GLMN: variants seen among roughly 807,000 people sequenced by gnomAD.
GLMN encodes the protein glomulin, FKBP associated protein.
A neutral mutation model predicts 87.8 loss-of-function variants in GLMN; 75 were observed. The observed-to-expected ratio is 0.85, with a 90% confidence interval of 0.71 to 1.04. The LOEUF (loss-of-function observed/expected upper bound fraction) is 1.04, where lower values mean the gene tolerates loss of function less well. Ranked by LOEUF, GLMN falls within the 50% of genes least tolerant of loss-of-function variation. The probability of loss-of-function intolerance (pLI) is 0.00; values close to 1 mark genes in which losing one functional copy is unlikely to be tolerated. For synonymous variants in GLMN, 206 were observed against 221.6 expected (o/e 0.93, Z 0.63); for missense variants, 588 against 658.8 (o/e 0.89, Z 1.18).
At chr1:92,319,516 C>T in the GLMN span, among the ~76,000 whole-genome samples, 1 of 152,090 alleles carries the variant, frequency 6.6e-6, no homozygotes, top group Non-Finnish European at 1.5e-5. Flanking sequence ...CTGGTAATCC[C>T]AGCACTGTGG....
At chr1:92,279,974 G>A (rs991597166) in intron 7 of GLMN, among the ~76,000 whole-genome samples, 8 of 151,920 alleles carry the variant, frequency 5.3e-5, no homozygotes, top group Non-Finnish European at 7.4e-5. Flanking sequence ...CAAACTGGGC[G>A]GAGCCCACCG....
the GLMN span, among the ~76,000 whole-genome samples, chr1:92,353,752 C>T: frequency 6.6e-6 from 1 of 152,092 alleles, no homozygotes; most frequent in Admixed American, 6.6e-5. Flanking sequence ...TAGATTATTT[C>T]TATACGTTCC....
the GLMN span, among the ~76,000 whole-genome samples, chr1:92,350,874 G>C: frequency 6.6e-6 from 1 of 152,184 alleles, no homozygotes; most frequent in East Asian, 1.9e-4. Flanking sequence ...AAAGGTTGTA[G>C]TGAGCTGAGA....
intron 7 of GLMN, among the ~76,000 whole-genome samples, chr1:92,280,760 G>C (rs1647934189): frequency 6.6e-6 from 1 of 152,188 alleles, no homozygotes; most frequent in Non-Finnish European, 1.5e-5. Context: ...AAACAGTGTA[G>C]AGAAGCACTT....
the GLMN span, among the ~76,000 whole-genome samples, chr1:92,317,689 C>T: frequency 2.0e-5 from 3 of 151,996 alleles, no homozygotes; most frequent in Admixed American, 2.0e-4. Flanking sequence ...ATGTATTAAA[C>T]GGTAAATTTT....
chr1:92,326,978 G>A, the GLMN span, among the ~76,000 whole-genome samples: 1 of 152,186 alleles, frequency 6.6e-6, no homozygotes, highest in African/African-American at 2.4e-5. Context: ...GAGACTTCCT[G>A]TTCATTTGGA....
chr1:92,305,854 A>G, the GLMN span, among the ~76,000 whole-genome samples: 1 of 152,264 alleles, frequency 6.6e-6, no homozygotes, highest in Non-Finnish European at 1.5e-5. Context: ...GAAAATTGGT[A>G]CAGCCTTTTT....
chr1:92,303,162 C>T (rs1440038715), upstream of GLMN, among the ~76,000 whole-genome samples: 1 of 152,182 alleles, frequency 6.6e-6, no homozygotes, highest in Non-Finnish European at 1.5e-5. Context: ...ATTACAAAAA[C>T]ACTTCTTAGT....
At chr1:92,264,707 T>A (rs1024477373) in intron 13 of GLMN, 69 bp from the exon 14 acceptor site, 2 of 880,474 alleles carry the variant, frequency 2.3e-6, no homozygotes, top group South Asian at 2.7e-5. Flanking sequence ...GTGATAAAAG[T>A]TTTACAAATT....
chr1:92,347,645 A>G, the GLMN span, among the ~76,000 whole-genome samples: 1 of 152,256 alleles, frequency 6.6e-6, no homozygotes, highest in Admixed American at 6.5e-5. Context: ...AATAAAGGCT[A>G]CCATTAAAAT....
At chr1:92,362,906 A>C in the GLMN span, among the ~76,000 whole-genome samples, 1 of 152,176 alleles carries the variant, frequency 6.6e-6, no homozygotes, top group African/African-American at 2.4e-5. Context: ...TTGCTCTAAA[A>C]TACTAAGACT....
intron 7 of GLMN, among the ~76,000 whole-genome samples, chr1:92,280,360 T>C (rs371285244): frequency 1.3e-5 from 2 of 152,114 alleles, no homozygotes; most frequent in Non-Finnish European, 2.9e-5. Context: ...AACTCCAACA[T>C]ACCTGCAGCT....
chr1:92,265,463 G>C (rs1655517974), intron 13 of GLMN, among the ~76,000 whole-genome samples: 1 of 152,134 alleles, frequency 6.6e-6, no homozygotes, highest in African/African-American at 2.4e-5. Context: ...ACTATCAATA[G>C]AAAACAAGAA....
the GLMN span, among the ~76,000 whole-genome samples, chr1:92,332,961 G>A: frequency 1.1e-4 from 16 of 152,076 alleles, no homozygotes; most frequent in Non-Finnish European, 1.9e-4. Context: ...CTCAGAGAGA[G>A]AGTCGGTTTG....
At chr1:92,329,678 A>G in the GLMN span, among the ~76,000 whole-genome samples, 231 of 152,226 alleles carry the variant, frequency 1.5e-3, no homozygotes, top group Non-Finnish European at 2.7e-3. Flanking sequence ...CCTATCTGCT[A>G]TTTTTTCCCA....
intron 7 of GLMN, among the ~76,000 whole-genome samples, chr1:92,277,437 C>T (rs1025504931): frequency 1.4e-4 from 22 of 152,170 alleles, no homozygotes; most frequent in African/African-American, 5.3e-4. Context: ...TGATAAGTGT[C>T]TTTATGCTAT....
chr1:92,336,211 C>A, the GLMN span: 1 of 640,446 alleles, frequency 1.6e-6, no homozygotes, highest in Non-Finnish European at 2.8e-6. Flanking sequence ...CAATCATAAC[C>A]TAGGTTAACC....
chr1:92,258,881 C>T (rs1428584977), intron 16 of GLMN, among the ~76,000 whole-genome samples: 3 of 151,822 alleles, frequency 2.0e-5, no homozygotes, highest in African/African-American at 7.3e-5. Flanking sequence ...ACATGTATCC[C>T]AGAACTTAAA....
chr1:92,247,941 G>A lies in GLMN; in HGVS notation c.1522C>T (p.Pro508Ser), dbSNP rs759342815. The A allele has an allele frequency of 1.4e-6, 2 of 1,421,786 alleles. No individual in the cohort carries two copies. The highest frequency in any genetic ancestry group is 2.0e-6 in the Non-Finnish European group (2 of 1,006,216). 88.1% of individuals were successfully genotyped at this position (1,421,786 alleles called of 1,614,324 possible). ...LGNIENNFLKPLHIGLNMSKA... is the reference protein window; with the variant it reads ...LGNIENNFLKSLHIGLNMSKA... ...GACATATTAAGTCCTATATGAAGTG[G>A]CTTTAAGAAATTATTCTCAATATTT... The change falls in exon 17 of 19, where the codon CCA becomes TCA. Residue 508 changes from proline (P) to serine (S), a missense_variant. By Grantham distance (74) the Pro-to-Ser change is moderately conservative. Coordinates refer to ENST00000370360, the MANE Select transcript of GLMN (RefSeq NM_053274.3).
Sources: gnomAD v4.1 joint callset for allele counts (sites outside exome capture counted in the v4.1 genomes callset) on GRCh38, gnomAD v4.1.1 for gene constraint, MANE v1.5 for transcripts, NCBI Gene and HGNC (gene_info 2026-07-23, HGNC 2026-07-21) for gene names.